Variants in MTR observed in about 807,000 individuals in gnomAD.
The protein encoded by MTR is 5-methyltetrahydrofolate-homocysteine methyltransferase.
A neutral mutation model predicts 154.8 loss-of-function variants in MTR; 84 were observed. The ratio of observed to expected loss-of-function variants is 0.54; its 90% CI spans 0.45 to 0.65. MTR has a LOEUF of 0.65. Among genes scored for constraint, MTR ranks in the 30% least tolerant of loss-of-function variants. The probability of loss-of-function intolerance (pLI) is 0.00; values close to 1 mark genes in which losing one functional copy is unlikely to be tolerated. For missense variants in MTR, 1,275 were observed against 1,570.2 expected, an observed-to-expected ratio of 0.81 and a Z score of 3.18; for synonymous variants, 554 against 553.9, an observed-to-expected ratio of 1.00 and a Z score of 0.00.
At chr1:236,846,351 C>T (rs945923375) in intron 15 of MTR, among the ~76,000 whole-genome samples, 8 of 151,988 alleles carry the variant, frequency 5.3e-5, no homozygotes, top group South Asian at 2.1e-4. Flanking sequence ...TTTTTGATAA[C>T]GTGAAGTGTC....
rs1460381221 is a variant in MTR at position 236,795,458 on chromosome 1, G to C, written c.-246G>C. 1 of 1,500,258 alleles carries C rather than the reference G, an allele frequency of 6.7e-7. No homozygotes were observed. Among genetic ancestry groups the C allele is most frequent in the Admixed American group, 2.0e-5 (1 of 49,774 alleles). The allele number at this position is 1,500,258 out of a possible 1,614,324, so 92.9% of individuals were successfully genotyped here. ...CTAGGCCGACACCAAGGACTGGCCG[G>C]GTACCCGGGAAGAAAGCACGTGCTC... On this transcript the variant is annotated 5_prime_UTR_variant, in exon 1 of 33. Coordinates refer to ENST00000366577, the MANE Select transcript of MTR (RefSeq NM_000254.3).
rs750187471 is a variant in MTR, at chr1:236,812,858, G to T, written c.609+14G>T. On this transcript the variant is annotated intron_variant, in intron 6 of 32. Coordinates refer to ENST00000366577, the MANE Select transcript of MTR (RefSeq NM_000254.3). ...GCCAATGCCAAGGTGAGTTAAGGGAGAAAAAACAGACAAGGCTGGGGTAAG... is the reference window on the plus strand; with the variant it reads ...GCCAATGCCAAGGTGAGTTAAGGGATAAAAAACAGACAAGGCTGGGGTAAG... 8.1e-6 allele frequency: 13 copies of T among 1,605,712 alleles called. No homozygotes were observed. Among genetic ancestry groups the T allele is most frequent in the Non-Finnish European group, 1.1e-5 (13 of 1,172,524 alleles).
intron 11 of MTR, among the ~76,000 whole-genome samples, chr1:236,827,110 A>G (rs188043584): frequency 7.2e-4 from 110 of 152,306 alleles, no homozygotes; most frequent in Non-Finnish European, 1.0e-3. Flanking sequence ...ACCTAATCCA[A>G]CATGATTGGT....
At chr1:236,808,962 T>G (rs1163955542) in intron 4 of MTR, among the ~76,000 whole-genome samples, 189 bp downstream of exon 4, 1 of 152,244 alleles carries the variant, frequency 6.6e-6, no homozygotes, top group Non-Finnish European at 1.5e-5. Flanking sequence ...CATCTTTGAA[T>G]TGATGCCAAC....
intron 13 of MTR, 36 bp from the exon 14 acceptor site, chr1:236,835,511 C>A (rs767567889): frequency 6.2e-7 from 1 of 1,612,196 alleles, no homozygotes; most frequent in East Asian, 2.2e-5. Context: ...TAGTAACTGT[C>A]TCCTAATGCT....
intron 1 of MTR, 121 bp downstream of exon 1, chr1:236,795,858 T>A: frequency 6.7e-7 from 1 of 1,488,656 alleles, no homozygotes; most frequent in East Asian, 2.4e-5. Flanking sequence ...TCCCCGCGTG[T>A]GGGCGGCACC....
At chr1:236,895,253 G>C (rs1194469427) in intron 30 of MTR, 105 bp from the exon 31 acceptor site, 2 of 1,270,756 alleles carry the variant, frequency 1.6e-6, no homozygotes, top group East Asian at 5.1e-5. Context: ...CTGTGGTCCA[G>C]ATGAGGGAGG....
intron 27 of MTR, among the ~76,000 whole-genome samples, chr1:236,887,306 C>T (rs577330489): frequency 5.9e-5 from 9 of 152,270 alleles, no homozygotes; most frequent in African/African-American, 1.9e-4. Flanking sequence ...ATATTGGGAG[C>T]CTGGAGCTCG....
At chr1:236,814,251 A>G (rs1295865131) in intron 6 of MTR, among the ~76,000 whole-genome samples, 1 of 152,216 alleles carries the variant, frequency 6.6e-6, no homozygotes, top group Non-Finnish European at 1.5e-5. Context: ...TAAACAAATT[A>G]TAATTTGAAA....
At position 236,838,518 on chromosome 1, in the gene MTR, G is replaced by A. The variant is rs747176647; in HGVS notation, c.1434G>A (p.Glu478=). The A allele has an allele frequency of 1.3e-5, 21 of 1,613,990 alleles. No individual in the cohort carries two copies. The Admixed American group carries it at 3.3e-4, about 26-fold the overall frequency. The change falls in exon 15 of 33, where the codon GAG becomes GAA. Residue 478 remains glutamate, a synonymous_variant. Transcript: ENST00000366577. ...IVNSISLKEG[E]DDFLEKARKI... ...ATAGCATTAGTCTGAAGGAAGGAGA[G>A]GACGACTTCTTGGAGAAGGCCAGGA...
At chr1:236,820,101 C>T (rs574928537) in intron 8 of MTR, 11 of 769,338 alleles carry the variant, frequency 1.4e-5, no homozygotes, top group African/African-American at 1.0e-4. Context: ...CCCCTCTGCG[C>T]TATGTGGACA....
At chr1:236,850,299 G>C in intron 15 of MTR, 45 bp from the exon 16 acceptor site, 1 of 1,362,858 alleles carries the variant, frequency 7.3e-7, no homozygotes, top group Non-Finnish European at 1.0e-6. Flanking sequence ...TATTTTAATA[G>C]ATAATTTTTC....
At chr1:236,889,090 G>A in intron 27 of MTR, 91 bp from the exon 28 acceptor site, 1 of 1,491,298 alleles carries the variant, frequency 6.7e-7, no homozygotes. Context: ...GCGGAGTGTG[G>A]GAGTTGGCAG....
chr1:236,822,217 ATATCT>A (rs1433805732), intron 8 of MTR, among the ~76,000 whole-genome samples: 2 of 146,758 alleles, frequency 1.4e-5, no homozygotes, highest in Non-Finnish European at 3.0e-5. Context: ...ATCCACTTTG[ATATCT>A]TAAATTGGAA....
At position 236,901,095 on chromosome 1, in the gene MTR, T is replaced by G. The variant is rs972648209; in HGVS notation, c.*3451T>G. The G allele has an allele frequency of 6.5e-6, 1 of 153,324 alleles. No individual in the cohort carries two copies. Among genetic ancestry groups the G allele is most frequent in the Non-Finnish European group, 1.5e-5 (1 of 68,438 alleles). 9.5% of individuals were successfully genotyped at this position (153,324 alleles called of 1,614,324 possible). On this transcript the variant is annotated 3_prime_UTR_variant, in exon 33 of 33. Coordinates refer to ENST00000366577, the MANE Select transcript of MTR (RefSeq NM_000254.3). ...GAGGGGGAGCCAGCAGGGGAGCAGC[T>G]GTGGGTTGGAGGAAGCCAGGAGGGA...
At chr1:236,867,084 A>C (rs116753752) in intron 22 of MTR, among the ~76,000 whole-genome samples, 1 of 152,168 alleles carries the variant, frequency 6.6e-6, no homozygotes, top group East Asian at 1.9e-4. Flanking sequence ...TAGGTTTTCA[A>C]TGTAGATGAA....
chr1:236,828,334 A>G (rs1662417939), intron 11 of MTR, among the ~76,000 whole-genome samples: 1 of 152,184 alleles, frequency 6.6e-6, no homozygotes, highest in Admixed American at 6.5e-5. Flanking sequence ...CAGTAGTTAA[A>G]TATTGCTTAT....
At position 236,889,264 on chromosome 1, in the gene MTR, T is replaced by A; in HGVS notation, c.2935T>A (p.Phe979Ile). The A allele has an allele frequency of 6.2e-7, 1 of 1,614,248 alleles. No homozygotes were observed. The highest frequency in any genetic ancestry group is 8.5e-7 in the Non-Finnish European group (1 of 1,180,048). ...LVDYIDWKPF[F>I]DVWQLRGKYP... is the part of the protein sequence containing the mutation. Reference sequence around the variant, plus strand: ...GGACTACATTGACTGGAAGCCTTTCTTTGATGTCTGGCAGCTCCGGGGCAA... The same window carrying A: ...GGACTACATTGACTGGAAGCCTTTCATTGATGTCTGGCAGCTCCGGGGCAA... Residue 979 changes from phenylalanine to isoleucine, a missense_variant, in exon 28 of 33, where the codon TTT becomes ATT. Transcript: ENST00000366577.
chr1:236,885,340 G>C (rs941803142), intron 26 of MTR, 121 bp downstream of exon 26: 1 of 714,178 alleles, frequency 1.4e-6, no homozygotes, highest in Non-Finnish European at 2.5e-6. Context: ...TCATTTTAGA[G>C]AATTTCTGTC....
Sources: allele counts gnomAD v4.1 joint callset (sites outside exome capture counted in the v4.1 genomes callset), GRCh38; gene constraint gnomAD v4.1.1; transcripts MANE v1.5; gene names NCBI Gene and HGNC (gene_info 2026-07-23, HGNC 2026-07-21).